The following SHISA6 variants were observed in gnomAD, a reference collection of about 807,000 sequenced individuals.
The protein encoded by SHISA6 is protein shisa-6.
A neutral mutation model predicts 47.9 loss-of-function variants in SHISA6; 22 were observed. The ratio of observed to expected loss-of-function variants is 0.46; its 90% CI spans 0.33 to 0.66. The LOEUF (loss-of-function observed/expected upper bound fraction) is 0.66. Ranked by LOEUF, SHISA6 falls within the 30% of genes least tolerant of loss-of-function variation. The pLI is 0.02. For missense variants in SHISA6, 680 were observed against 764.6 expected (o/e 0.89, Z 1.30); for synonymous variants, 388 against 337.8 (o/e 1.15, Z -1.63).
chr17:11,434,126 C>A (rs2142292009), intron 3 of SHISA6, among the ~76,000 whole-genome samples: 1 of 149,850 alleles, frequency 6.7e-6, no homozygotes, highest in South Asian at 2.1e-4. Context: ...TGCAGTAGCA[C>A]AATTTTGGCT....
intron 2 of SHISA6, among the ~76,000 whole-genome samples, chr17:11,330,583 T>G (rs1449038706): frequency 1.3e-5 from 2 of 151,936 alleles, no homozygotes; most frequent in African/African-American, 4.8e-5. Flanking sequence ...ATCTACAATT[T>G]TTGAGGTGTC....
intron 1 of SHISA6, 27 bp downstream of exon 1, chr17:11,242,087 C>G (rs547918046): frequency 1.7e-5 from 26 of 1,548,238 alleles, no homozygotes; most frequent in Admixed American, 1.6e-4. Context: ...CCGCGCGCCC[C>G]GGTCTCCCCG....
At chr17:11,324,226 G>A (rs530676481) in intron 2 of SHISA6, among the ~76,000 whole-genome samples, 2 of 152,222 alleles carry the variant, frequency 1.3e-5, no homozygotes, top group South Asian at 4.2e-4. Context: ...GTAGGCTGTC[G>A]AGTCTGATGC....
intron 5 of SHISA6, 85 bp downstream of exon 5, chr17:11,555,977 A>G (rs562327658): frequency 1.4e-5 from 19 of 1,378,094 alleles, no homozygotes; most frequent in Admixed American, 6.8e-5. Context: ...TCCATACCCC[A>G]TAGGACAGCT....
chr17:11,518,854 C>T (rs529840684), intron 3 of SHISA6, among the ~76,000 whole-genome samples: 1 of 152,310 alleles, frequency 6.6e-6, no homozygotes, highest in South Asian at 2.1e-4. Flanking sequence ...CTCTAATCCT[C>T]CTACTCTCCC....
At chr17:11,450,698 A>G (rs1304739966) in intron 3 of SHISA6, among the ~76,000 whole-genome samples, 1 of 134,022 alleles carries the variant, frequency 7.5e-6, no homozygotes, top group Non-Finnish European at 1.6e-5. Flanking sequence ...TCCATCCAAA[A>G]GAAAAGAAAA....
At chr17:11,354,217 G>T (rs1911999400) in intron 2 of SHISA6, among the ~76,000 whole-genome samples, 1 of 152,156 alleles carries the variant, frequency 6.6e-6, no homozygotes, top group Non-Finnish European at 1.5e-5. Flanking sequence ...ATGTGCACAG[G>T]AATCATCTGG....
At chr17:11,405,254 G>A (rs75467165) in intron 3 of SHISA6, among the ~76,000 whole-genome samples, 1,761 of 152,242 alleles carry the variant, frequency 0.012, 19 homozygotes, top group Non-Finnish European at 0.018. Flanking sequence ...TCAACATGAA[G>A]ATTTTGATCC....
At chr17:11,395,109 G>A (rs1285298698) in intron 3 of SHISA6, among the ~76,000 whole-genome samples, 2 of 149,256 alleles carry the variant, frequency 1.3e-5, no homozygotes, top group African/African-American at 4.9e-5. Flanking sequence ...TCACACGATG[G>A]CCCTTTATTT....
intron 3 of SHISA6, among the ~76,000 whole-genome samples, chr17:11,466,057 G>C (rs1224246953): frequency 6.6e-6 from 1 of 151,574 alleles, no homozygotes; most frequent in Admixed American, 6.6e-5. Context: ...GATGCTGAGA[G>C]CTTGCTGCAG....
At chr17:11,281,983 GT>G (rs888667376) in intron 2 of SHISA6, among the ~76,000 whole-genome samples, 5 of 151,656 alleles carry the variant, frequency 3.3e-5, no homozygotes, top group East Asian at 1.9e-4. Flanking sequence ...ATGCATAAAA[GT>G]TTTTTTTTCT....
rs752256071 is a variant in SHISA6, at chr17:11,558,221, A to C, written c.1573A>C (p.Arg525=). The part of the protein sequence containing the change: ...AAKRHAFASR[R]HNTVEQLHYI... ...CAAGCGTCATGCCTTTGCCTCACGC[A>C]GACACAACACGGTGGAGCAGCTGCA... The change falls in exon 6 of 6, where the codon AGA becomes CGA. Residue 525 remains arginine (R), a synonymous_variant. Transcript: ENST00000441885. 4.3e-5 allele frequency: 67 copies of C among 1,541,768 alleles called. No homozygotes were observed. The South Asian group carries it at 7.9e-4, about 18-fold the overall frequency.
chr17:11,397,523 G>C (rs1382706223), intron 3 of SHISA6, among the ~76,000 whole-genome samples: 1 of 151,982 alleles, frequency 6.6e-6, no homozygotes, highest in Non-Finnish European at 1.5e-5. Flanking sequence ...AGTAGGGCTT[G>C]TGGATGCATA....
Position 11,503,162 on chromosome 17 carries a change from G to A in SHISA6, c.896-48734G>A, listed in dbSNP as rs201521240. Among the ~76,000 whole-genome samples, 5 of 152,316 alleles carry A rather than the reference G, an allele frequency of 3.3e-5. No individual in the cohort carries two copies. In the East Asian group the frequency reaches 9.6e-4, roughly 29 times the overall value. On this transcript the variant is annotated intron_variant, in intron 3 of 5. Coordinates refer to ENST00000441885, the MANE Select transcript of SHISA6 (RefSeq NM_207386.4). ...TAACAGATGAAGAAACTGAGGCCCA[G>A]AGAGGTTAAGTGACTTGACTGAGAT...
In SHISA6 at chr17:11,241,388, GGAA is replaced by G. The variant is rs1907316453; in HGVS notation, c.-33_-31del. On this transcript the variant is annotated 5_prime_UTR_variant, in exon 1 of 6. Transcript: ENST00000441885. This position sits in a 1 kb window ranked among gnomAD's most constrained non-coding sequence, Gnocchi z 5.5. ...GCCCGCCGGGGGAGCGGCCTGCCGC[GGAA>G]GCCTCCCCGCGCCCTCCCGCCCGGC... 3 of 1,065,152 alleles carry G rather than the reference GGAA, an allele frequency of 2.8e-6. No homozygotes were observed. The Admixed American group carries it at 1.7e-4, about 59-fold the overall frequency. 66.0% of individuals were successfully genotyped at this position (1,065,152 alleles called of 1,614,324 possible).
chr17:11,546,023 G>A (rs2071880653), intron 3 of SHISA6, among the ~76,000 whole-genome samples: 1 of 152,200 alleles, frequency 6.6e-6, no homozygotes, highest in Non-Finnish European at 1.5e-5. Flanking sequence ...AGGAAAATAA[G>A]TCCTATCTAA....
intron 1 of SHISA6, among the ~76,000 whole-genome samples, chr17:11,254,836 G>C (rs1189755854): frequency 6.6e-6 from 1 of 152,238 alleles, no homozygotes; most frequent in African/African-American, 2.4e-5. Context: ...GGCACTCCTA[G>C]TTAAGAGTCT....
chr17:11,457,013 T>C (rs912385844), intron 3 of SHISA6, among the ~76,000 whole-genome samples: 3 of 152,226 alleles, frequency 2.0e-5, no homozygotes, highest in African/African-American at 4.8e-5. Context: ...TCCAGTTCTC[T>C]GCTGTGCCGT....
Position 11,241,914 on chromosome 17 carries a change from G to C in SHISA6, c.492G>C (p.Glu164Asp). Reference protein sequence around the residue: ...PSTKVVSPGPENKYDPEKDKT... With the variant: ...PSTKVVSPGPDNKYDPEKDKT... ...CCAAGGTGGTGTCGCCGGGGCCCGA[G>C]AACAAGTACGACCCGGAGAAGGACA... Residue 164 changes from glutamate to aspartate, a missense_variant, in exon 1 of 6, where the codon GAG (glutamate) becomes GAC (aspartate). Glu to Asp is a conservative substitution (Grantham distance 45). Transcript: ENST00000441885. This position sits in a 1 kb window ranked among gnomAD's most constrained non-coding sequence, Gnocchi z 5.5. The C allele has an allele frequency of 6.4e-7, 1 of 1,551,024 alleles. No individual in the cohort carries two copies. Among genetic ancestry groups the C allele is most frequent in the Non-Finnish European group, 8.7e-7 (1 of 1,147,018 alleles).
Sources: gnomAD v4.1 joint callset for allele counts (sites outside exome capture counted in the v4.1 genomes callset) on GRCh38, gnomAD v4.1.1 for gene constraint, Gnocchi (gnomAD v3.1) non-coding constraint, MANE v1.5 for transcripts, NCBI Gene and HGNC (gene_info 2026-07-23, HGNC 2026-07-21) for gene names.